Variants in DNAJC6 observed in about 807,000 individuals in gnomAD.
The protein encoded by DNAJC6 is DnaJ heat shock protein family (Hsp40) member C6, also known as auxilin.
In DNAJC6, 34 loss-of-function variants were observed where a neutral mutation model predicts 110.0. The observed-to-expected ratio is 0.31, with a 90% CI of 0.24 to 0.41. DNAJC6 has a LOEUF of 0.41. Among genes scored for constraint, DNAJC6 ranks in the 10% least tolerant of loss-of-function variants. DNAJC6 has a pLI of 1.00. For synonymous variants in DNAJC6, 406 were observed against 437.2 expected, an observed-to-expected ratio of 0.93 and a Z score of 0.89; for missense variants, 1,031 against 1,207.8, an observed-to-expected ratio of 0.85 and a Z score of 2.17.
chr1:65,344,204 T>A (rs371748578), intron 1 of DNAJC6, among the ~76,000 whole-genome samples: 1 of 152,326 alleles, frequency 6.6e-6, no homozygotes. Context: ...GTCACACAGC[T>A]CTTTCCTCCC....
chr1:65,264,947 G>C, intron 1 of DNAJC6: 1 of 1,611,480 alleles, frequency 6.2e-7, no homozygotes, highest in Non-Finnish European at 8.5e-7. Flanking sequence ...GGGGCGGACT[G>C]CAGAAAGATG....
intron 1 of DNAJC6, among the ~76,000 whole-genome samples, chr1:65,330,932 A>G (rs984076888): frequency 2.0e-5 from 3 of 152,186 alleles, no homozygotes; most frequent in Non-Finnish European, 4.4e-5. Context: ...TTTCCAGCCA[A>G]TGTGAAGGCG....
At chr1:65,309,327 C>G (rs1645074162), upstream of DNAJC6, among the ~76,000 whole-genome samples, 1 of 145,634 alleles carries the variant, frequency 6.9e-6, no homozygotes, top group African/African-American at 2.5e-5. Flanking sequence ...CCCTTTCCTT[C>G]CCTCCCCGCG....
At chr1:65,291,298 G>T (rs1399596839) in intron 1 of DNAJC6, among the ~76,000 whole-genome samples, 1 of 152,158 alleles carries the variant, frequency 6.6e-6, no homozygotes, top group African/African-American at 2.4e-5. Flanking sequence ...CTCCCAAACT[G>T]CTGGGATTAC....
At chr1:65,286,511 T>C (rs1373393870) in intron 1 of DNAJC6, among the ~76,000 whole-genome samples, 1 of 152,124 alleles carries the variant, frequency 6.6e-6, no homozygotes, top group African/African-American at 2.4e-5. Context: ...CCTCCTAAAG[T>C]GTTGGAACTA....
In DNAJC6 at chr1:65,415,195, TA is replaced by T. The variant is rs1646159880; in HGVS notation, c.*2171del. 1 of 152,232 alleles carries T rather than the reference TA, an allele frequency of 6.6e-6. No homozygotes were observed. Among genetic ancestry groups the T allele is most frequent in the Admixed American group, 6.5e-5 (1 of 15,288 alleles). 9.4% of individuals were successfully genotyped at this position (152,232 alleles called of 1,614,324 possible). A position where few individuals can be genotyped will look rare whatever the true frequency, so the allele number is the denominator to read the frequency against. ...CTGTTTCATCATATTTATTGTAATATATTTTTTGTTTTGTAAATATGTTACA... is the reference window on the plus strand; with the variant it reads ...CTGTTTCATCATATTTATTGTAATATTTTTTTGTTTTGTAAATATGTTACA... On this transcript the variant is annotated 3_prime_UTR_variant, in exon 19 of 19. Coordinates refer to ENST00000371069, the MANE Select transcript of DNAJC6 (RefSeq NM_001256864.2).
intron 1 of DNAJC6, among the ~76,000 whole-genome samples, chr1:65,362,564 A>G (rs1418277269): frequency 6.6e-6 from 1 of 152,328 alleles, no homozygotes; most frequent in East Asian, 1.9e-4. Flanking sequence ...ATTAGGTACC[A>G]TGCCAACAGC....
upstream of DNAJC6, among the ~76,000 whole-genome samples, chr1:65,305,156 A>G (rs1185357427): frequency 6.6e-6 from 1 of 152,246 alleles, no homozygotes; most frequent in Admixed American, 6.5e-5. Context: ...AACAGAGAGA[A>G]CAGAGTAGAA....
At chr1:65,312,693 T>C (rs1289094707) in intron 1 of DNAJC6, among the ~76,000 whole-genome samples, 5 of 152,250 alleles carry the variant, frequency 3.3e-5, no homozygotes, top group African/African-American at 1.2e-4. Context: ...ATTCTCTTAT[T>C]TCATTTCCCC....
At chr1:65,275,205 C>T (rs144520545) in intron 1 of DNAJC6, among the ~76,000 whole-genome samples, 15 of 152,224 alleles carry the variant, frequency 9.9e-5, no homozygotes, top group Non-Finnish European at 1.3e-4. Flanking sequence ...TGTATTCCCT[C>T]TGGGATCTTT....
At position 65,414,067 on chromosome 1, in the gene DNAJC6, T is replaced by C. The variant is rs1243092543; in HGVS notation, c.*1042T>C. The C allele has an allele frequency of 6.6e-6, 1 of 152,306 alleles. No homozygotes were observed. Among genetic ancestry groups the C allele is most frequent in the East Asian group, 1.9e-4 (1 of 5,202 alleles). 9.4% of individuals were successfully genotyped at this position (152,306 alleles called of 1,614,324 possible). A position where few individuals can be genotyped will look rare whatever the true frequency, so the allele number is the denominator to read the frequency against. The stretch of plus-strand genomic sequence containing the variant: ...TCACAGTGAGAGAGCTGCACTCACC[T>C]GCAGACCCAGTCAGATGGCTTGTCA... On this transcript the variant is annotated 3_prime_UTR_variant, in exon 19 of 19. Transcript: ENST00000371069.
At chr1:65,330,709 C>T (rs916285823) in intron 1 of DNAJC6, among the ~76,000 whole-genome samples, 4 of 152,140 alleles carry the variant, frequency 2.6e-5, no homozygotes, top group Non-Finnish European at 5.9e-5. Context: ...CCTCGTGATC[C>T]GCCAGTCTCG....
chr1:65,277,464 T>C (rs1383096764), intron 1 of DNAJC6, among the ~76,000 whole-genome samples: 1 of 152,226 alleles, frequency 6.6e-6, no homozygotes, highest in Non-Finnish European at 1.5e-5. Context: ...TTCAACATGA[T>C]CCTAAAATGT....
intron 4 of DNAJC6, 81 bp downstream of exon 4, chr1:65,366,277 GC>G: frequency 6.8e-7 from 1 of 1,473,450 alleles, no homozygotes. Flanking sequence ...TAAAGCACGT[GC>G]CCTTAGGCAT....
intron 1 of DNAJC6, among the ~76,000 whole-genome samples, chr1:65,358,142 A>ATACT (rs1267526065): frequency 7.1e-6 from 1 of 140,178 alleles, no homozygotes; most frequent in Non-Finnish European, 1.5e-5. Flanking sequence ...TCGCACCACT[A>ATACT]TACTCTGGCC....
At chr1:65,277,713 G>A (rs1349090586) in intron 1 of DNAJC6, among the ~76,000 whole-genome samples, 1 of 152,222 alleles carries the variant, frequency 6.6e-6, no homozygotes, top group African/African-American at 2.4e-5. Context: ...TCTACCAGGT[G>A]GTTGAGCTGG....
chr1:65,398,872 G>GTTT lies in DNAJC6; in HGVS notation c.2098_2099insTTT (p.Ala700delinsValSer). 1.2e-6 allele frequency: 2 copies of GTTT among 1,614,072 alleles called. No homozygotes were observed. Among genetic ancestry groups the GTTT allele is most frequent in the Non-Finnish European group, 1.7e-6 (2 of 1,179,974 alleles). On this transcript the variant is annotated protein_altering_variant, in exon 14 of 19. Coordinates refer to ENST00000371069, the MANE Select transcript of DNAJC6 (RefSeq NM_001256864.2). ...TGTTTCTGGAGGTTGGGACTGGCAT[G>GTTT]CTAAACCAGGTAAAAGCAGGTTATT...
At chr1:65,356,585 TA>T (rs5774751) in intron 1 of DNAJC6, among the ~76,000 whole-genome samples, 100,271 of 145,136 alleles carry the variant, frequency 0.69, 36,200 homozygotes, top group African/African-American at 0.91. Flanking sequence ...AATAAATAAA[TA>T]AAATAAAATA....
intron 6 of DNAJC6, among the ~76,000 whole-genome samples, chr1:65,385,122 C>G (rs555789814): frequency 6.6e-6 from 1 of 152,302 alleles, no homozygotes; most frequent in Non-Finnish European, 1.5e-5. Flanking sequence ...CACTGGTGAT[C>G]CTCCTGTGGG....
Sources: allele counts gnomAD v4.1 joint callset (sites outside exome capture counted in the v4.1 genomes callset), GRCh38; gene constraint gnomAD v4.1.1; transcripts MANE v1.5; gene names NCBI Gene and HGNC (gene_info 2026-07-23, HGNC 2026-07-21).